Variants in NKAIN3 observed in about 807,000 individuals in gnomAD.
NKAIN3 encodes sodium/potassium-transporting ATPase subunit beta-1-interacting protein 3.
In NKAIN3, 25 loss-of-function variants were observed where a neutral mutation model predicts 30.2. That is an observed-to-expected ratio of 0.83 (90% CI 0.60 to 1.16). The LOEUF is 1.16. Among genes scored for constraint, NKAIN3 ranks in the 50% most tolerant of loss-of-function variants. The pLI is 0.00. For missense variants in NKAIN3, 225 were observed against 254.1 expected, an observed-to-expected ratio of 0.89 and a Z score of 0.78; for synonymous variants, 91 against 89.6, an observed-to-expected ratio of 1.02 and a Z score of -0.09.
At chr8:62,305,830 T>C (rs1336110986) in intron 1 of NKAIN3, among the ~76,000 whole-genome samples, 1 of 150,300 alleles carries the variant, frequency 6.7e-6, no homozygotes, top group Non-Finnish European at 1.5e-5. Context: ...CTCATTCTCA[T>C]TCGTCAAAAT....
chr8:62,576,075 T>C (rs1424174855), intron 1 of NKAIN3, among the ~76,000 whole-genome samples: 2 of 151,822 alleles, frequency 1.3e-5, no homozygotes, highest in Admixed American at 1.3e-4. Context: ...TTTAGGAATA[T>C]CCCACAAGCA....
At chr8:62,776,457 T>C (rs1015536418) in intron 4 of NKAIN3, among the ~76,000 whole-genome samples, 1 of 152,170 alleles carries the variant, frequency 6.6e-6, no homozygotes, top group Non-Finnish European at 1.5e-5. Context: ...GTATGTTTTC[T>C]GATTTGAAGT....
At chr8:62,485,645 A>T (rs1420614131) in intron 1 of NKAIN3, among the ~76,000 whole-genome samples, 1 of 152,232 alleles carries the variant, frequency 6.6e-6, no homozygotes, top group Admixed American at 6.5e-5. Context: ...CATGTAGATG[A>T]TTCTGGCAGC....
intron 4 of NKAIN3, among the ~76,000 whole-genome samples, chr8:62,910,932 G>A (rs1586337586): frequency 6.6e-6 from 1 of 152,228 alleles, no homozygotes; most frequent in East Asian, 1.9e-4. Context: ...GGATGAACCA[G>A]TAAATGCTGA....
intron 3 of NKAIN3, among the ~76,000 whole-genome samples, chr8:62,702,588 C>A (rs1228469463): frequency 6.6e-6 from 1 of 152,048 alleles, no homozygotes; most frequent in African/African-American, 2.4e-5. Context: ...AAGTAAACAT[C>A]GTTTATGTGG....
chr8:62,790,247 T>C (rs2130670923), intron 4 of NKAIN3, among the ~76,000 whole-genome samples: 1 of 152,196 alleles, frequency 6.6e-6, no homozygotes, highest in East Asian at 1.9e-4. Context: ...AAAAGGCCTT[T>C]GACAAAATTC....
At chr8:62,901,450 GA>G (rs762795287) in intron 4 of NKAIN3, among the ~76,000 whole-genome samples, 2 of 152,110 alleles carry the variant, frequency 1.3e-5, no homozygotes, top group African/African-American at 2.4e-5. Flanking sequence ...TAAGAAAAAA[GA>G]AGAGAGAGAG....
At chr8:62,345,738 T>G (rs929087636) in intron 1 of NKAIN3, among the ~76,000 whole-genome samples, 1 of 151,778 alleles carries the variant, frequency 6.6e-6, no homozygotes. Flanking sequence ...CTTCTTTCTT[T>G]CCAAATGGGG....
At chr8:62,255,515 T>A (rs573436340) in intron 1 of NKAIN3, among the ~76,000 whole-genome samples, 2 of 152,266 alleles carry the variant, frequency 1.3e-5, no homozygotes, top group South Asian at 2.1e-4. Flanking sequence ...CTCCTCTTGT[T>A]TTAAGCCACT....
intron 3 of NKAIN3, among the ~76,000 whole-genome samples, chr8:62,640,545 T>C (rs554574645): frequency 6.6e-6 from 1 of 152,266 alleles, no homozygotes; most frequent in South Asian, 2.1e-4. Context: ...CTCATAAAGA[T>C]TTGTGAACTT....
chr8:62,780,944 A>G (rs79725902), intron 4 of NKAIN3, among the ~76,000 whole-genome samples: 12,246 of 152,072 alleles, frequency 0.081, 510 homozygotes, highest in Non-Finnish European at 0.085. Flanking sequence ...GCATAGCAAT[A>G]AGACAAGAGA....
At chr8:62,367,929 T>C (rs1816788995) in intron 1 of NKAIN3, among the ~76,000 whole-genome samples, 1 of 152,026 alleles carries the variant, frequency 6.6e-6, no homozygotes, top group African/African-American at 2.4e-5. Flanking sequence ...TCTACACTAA[T>C]GAGGAACTAT....
intron 5 of NKAIN3, chr8:62,990,540 C>A: frequency 3.4e-6 from 1 of 294,172 alleles, no homozygotes; most frequent in Non-Finnish European, 5.3e-6. Context: ...TTTGTGAAAT[C>A]TGATTTTACT....
intron 1 of NKAIN3, among the ~76,000 whole-genome samples, chr8:62,289,903 CT>C (rs901437329): frequency 2.1e-4 from 32 of 152,194 alleles, no homozygotes; most frequent in African/African-American, 7.0e-4. Flanking sequence ...TTGTTTGTGT[CT>C]TCTTTTATTT....
chr8:62,364,850 A>AAAAAAAAAAAAC (rs1816687248), intron 1 of NKAIN3, among the ~76,000 whole-genome samples: 1 of 151,184 alleles, frequency 6.6e-6, no homozygotes, highest in African/African-American at 2.4e-5. Flanking sequence ...AAAAAAAAAA[A>AAAAAAAAAAAAC]ATCATCTATG....
intron 3 of NKAIN3, among the ~76,000 whole-genome samples, chr8:62,615,806 G>T (rs2130203037): frequency 6.6e-6 from 1 of 152,226 alleles, no homozygotes; most frequent in Non-Finnish European, 1.5e-5. Context: ...CCAGTGCCCA[G>T]AGCTGCTCTT....
intron 6 of NKAIN3, among the ~76,000 whole-genome samples, chr8:62,961,599 C>T: frequency 6.6e-6 from 1 of 151,890 alleles, no homozygotes; most frequent in South Asian, 2.1e-4. Flanking sequence ...TTTTTTAAAA[C>T]AGAACTAGAT....
chr8:62,318,012 C>G (rs1585672099), intron 1 of NKAIN3, among the ~76,000 whole-genome samples: 2 of 152,064 alleles, frequency 1.3e-5, no homozygotes, highest in Non-Finnish European at 2.9e-5. Flanking sequence ...AAGTTGGATT[C>G]CTAGGTATTT....
intron 4 of NKAIN3, among the ~76,000 whole-genome samples, chr8:62,755,275 A>G (rs942620352): frequency 4.6e-5 from 7 of 152,198 alleles, no homozygotes; most frequent in African/African-American, 1.7e-4. Flanking sequence ...TCCTTGCAAC[A>G]CCTTGCAGGG....
Sources: allele counts gnomAD v4.1 joint callset (sites outside exome capture counted in the v4.1 genomes callset), GRCh38; gene constraint gnomAD v4.1.1; transcripts MANE v1.5; gene names NCBI Gene and HGNC (gene_info 2026-07-23, HGNC 2026-07-21).